The following SREK1 variants were observed in gnomAD, a reference collection of about 807,000 sequenced individuals.
SREK1 encodes the protein splicing regulatory glutamine/lysine-rich protein 1.
A neutral mutation model predicts 66.5 loss-of-function variants in SREK1; 13 were observed. The observed-to-expected ratio is 0.20, with a 90% CI of 0.13 to 0.31. The LOEUF (loss-of-function observed/expected upper bound fraction) is 0.31. SREK1 is among the 10% of genes least tolerant of loss of function. The pLI, the probability that SREK1 is intolerant of heterozygous loss-of-function variation, is 1.00. For synonymous variants in SREK1, 265 were observed against 263.5 expected (o/e 1.01, Z -0.05); for missense variants, 607 against 769.6 (o/e 0.79, Z 2.50).
At chr5:66,152,061 A>G (rs972665100) in intron 1 of SREK1, among the ~76,000 whole-genome samples, 27 of 151,960 alleles carry the variant, frequency 1.8e-4, no homozygotes, top group Non-Finnish European at 1.0e-4. Context: ...TAGCCAGGAT[A>G]GTCTCGATCT....
intron 10 of SREK1, among the ~76,000 whole-genome samples, chr5:66,175,669 T>G (rs974430848): frequency 1.3e-5 from 2 of 152,200 alleles, no homozygotes; most frequent in African/African-American, 4.8e-5. Flanking sequence ...CTAATTATCC[T>G]CTATAAGAGT....
chr5:66,152,379 C>T (rs1297876707), intron 1 of SREK1, among the ~76,000 whole-genome samples: 2 of 152,060 alleles, frequency 1.3e-5, no homozygotes, highest in Admixed American at 6.6e-5. Context: ...ATTTTAAAAA[C>T]GGCTAATGTT....
Position 66,163,822 on chromosome 5 carries a change from A to AC in SREK1, c.791dup (p.Glu265Ter). 1 of 1,613,296 alleles carries AC rather than the reference A, an allele frequency of 6.2e-7. No individual in the cohort carries two copies. The highest frequency in any genetic ancestry group is 8.5e-7 in the Non-Finnish European group (1 of 1,179,534). The stretch of plus-strand genomic sequence containing the variant: ...ATCACTCCAACAATGCAATAGTAAA[A>AC]CCCCCTGAGATGACACCTCAGGCTG... On this transcript the variant is annotated frameshift_variant, in exon 6 of 12. Transcript: ENST00000334121. LOFTEE classifies it high-confidence loss of function.
At position 66,159,320 on chromosome 5, in the gene SREK1, A is replaced by G. The variant is rs778862586; in HGVS notation, c.397A>G (p.Asn133Asp). Reference sequence around the variant, plus strand: ...AGGATTGCTTCCAATACCGACCCCAAATCCTTTGACTACTGTAAGTACTAT... The same window carrying G: ...AGGATTGCTTCCAATACCGACCCCAGATCCTTTGACTACTGTAAGTACTAT... ...GAGLLPIPTP[N>D]PLTTLGVSLS... The change falls in exon 3 of 12, where the codon AAT becomes GAT. Residue 133 changes from asparagine (N) to aspartate (D), a missense_variant. Physicochemically the swap from Asn to Asp is conservative, Grantham distance 23 (BLOSUM62 1). Around this residue, in one of 5 missense-constraint regions of SREK1, gnomAD observed 99 missense variants for 186.6 expected, o/e 0.53. Coordinates refer to ENST00000334121, the MANE Select transcript of SREK1 (RefSeq NM_001077199.3). The G allele has an allele frequency of 1.7e-5, 27 of 1,611,336 alleles. No individual in the cohort carries two copies. Among genetic ancestry groups the G allele is most frequent in the Non-Finnish European group, 2.3e-5 (27 of 1,178,814 alleles).
At chr5:66,145,088 T>G in intron 1 of SREK1, 7 of 985,758 alleles carry the variant, frequency 7.1e-6, no homozygotes, top group Non-Finnish European at 8.4e-6. Flanking sequence ...ACCGAGCGCA[T>G]CCATGTTCCC....
intron 11 of SREK1, 118 bp downstream of exon 11, chr5:66,177,776 A>G (rs980597283): frequency 4.0e-6 from 3 of 750,970 alleles, no homozygotes; most frequent in African/African-American, 1.8e-5. Flanking sequence ...ATTTTATGGC[A>G]TTTTAAAATA....
chr5:66,177,285 G>T, intron 10 of SREK1: 1 of 372,074 alleles, frequency 2.7e-6, no homozygotes, highest in Non-Finnish European at 4.8e-6. Context: ...AGAACATATG[G>T]TGGCCTCTGC....
intron 1 of SREK1, 93 bp from the exon 2 acceptor site, chr5:66,153,370 G>C (rs987039811): frequency 6.7e-7 from 1 of 1,488,068 alleles, no homozygotes; most frequent in African/African-American, 1.4e-5. Context: ...AATTTCGTAA[G>C]ATTATGTAAA....
intron 10 of SREK1, among the ~76,000 whole-genome samples, chr5:66,177,171 C>T (rs949134000): frequency 6.6e-6 from 1 of 152,074 alleles, no homozygotes; most frequent in Non-Finnish European, 1.5e-5. Flanking sequence ...CGAAATGAGG[C>T]GGATACATAT....
At chr5:66,162,869 A>G (rs2303802) in intron 5 of SREK1, 30,785 of 244,184 alleles carry the variant, frequency 0.13, 2,278 homozygotes, top group Admixed American at 0.22. Context: ...GTCTTTTTCC[A>G]TAAACTTTAA....
chr5:66,167,954 T>C (rs1472826882), intron 7 of SREK1: 1 of 152,230 alleles, frequency 6.6e-6, no homozygotes, highest in African/African-American at 2.4e-5. Context: ...TTTGCAGTTT[T>C]GCCTTAACAT....
Position 66,178,886 on chromosome 5 carries a change from C to G in SREK1, c.*18C>G. 1 of 1,573,782 alleles carries G rather than the reference C, an allele frequency of 6.4e-7. No individual in the cohort carries two copies. The highest frequency in any genetic ancestry group is 1.2e-5 in the South Asian group (1 of 84,144). On this transcript the variant is annotated 3_prime_UTR_variant, in exon 12 of 12. Transcript: ENST00000334121. ...CAGTATAGGACCGACAAGTGTACCT[C>G]TGCACTCAATGCTGGAATCAAATCC...
At position 66,180,628 on chromosome 5, in the gene SREK1, CTG is replaced by C. The variant is rs1158523545; in HGVS notation, c.*1764_*1765del. ...TTTTGTTTGTTTTTCCTTTTTGTCA[CTG>C]TGTACATTAAAATTTTGGAAGATGC... is the stretch of plus-strand genomic sequence containing the variant. On this transcript the variant is annotated 3_prime_UTR_variant, in exon 12 of 12. Coordinates refer to ENST00000334121, the MANE Select transcript of SREK1 (RefSeq NM_001077199.3). The C allele has an allele frequency of 1.3e-5, 2 of 152,432 alleles. No individual in the cohort carries two copies. The highest frequency in any genetic ancestry group is 4.1e-4 in the South Asian group (2 of 4,826). The allele number at this position is 152,432 out of a possible 1,614,324, so 9.4% of individuals were successfully genotyped here. A position where few individuals can be genotyped will look rare whatever the true frequency, so the allele number is the denominator to read the frequency against.
In SREK1 at chr5:66,159,282, T is replaced by C. The variant is rs751693067; in HGVS notation, c.359T>C (p.Leu120Pro). 6.2e-7 allele frequency: 1 copy of C among 1,613,790 alleles called. No individual in the cohort carries two copies. Among genetic ancestry groups the C allele is most frequent in the East Asian group, 2.2e-5 (1 of 44,856 alleles). ...GCTCCTGCTCCAACCATGACAAGTC[T>C]GATGCCTGGTGCAGGATTGCTTCCA... is the stretch of plus-strand genomic sequence containing the variant. ...LLAPAPTMTS[L>P]MPGAGLLPIP... Residue 120 changes from leucine to proline, a missense_variant, in exon 3 of 12, where the codon CTG becomes CCG. This residue lies in a region of SREK1 where 99 missense variants were observed against 186.6 expected (regional missense o/e 0.53). Coordinates refer to ENST00000334121, the MANE Select transcript of SREK1 (RefSeq NM_001077199.3).
rs1746332018 is a variant in SREK1 at position 66,179,406 on chromosome 5, CTA to C, written c.*540_*541del. ...GACTTGTGATTGTGTTAAATTCTCA[CTA>C]TTGTGTTTTCTTTTGCTCACTGTTT... On this transcript the variant is annotated 3_prime_UTR_variant, in exon 12 of 12. Transcript: ENST00000334121. The C allele has an allele frequency of 6.6e-6, 1 of 152,450 alleles. No homozygotes were observed. The highest frequency in any genetic ancestry group is 1.5e-5 in the Non-Finnish European group (1 of 67,958). The allele number at this position is 152,450 out of a possible 1,614,324, so 9.4% of individuals were successfully genotyped here.
At chr5:66,170,234 A>T (rs1745517454) in intron 8 of SREK1, 64 bp downstream of exon 8, 1 of 1,515,192 alleles carries the variant, frequency 6.6e-7, no homozygotes, top group Non-Finnish European at 8.9e-7. Context: ...GCTAAGGGAT[A>T]ATATTTTAAT....
chr5:66,150,012 C>A (rs1743635689), intron 1 of SREK1, among the ~76,000 whole-genome samples: 1 of 152,178 alleles, frequency 6.6e-6, no homozygotes. Context: ...TCTTTGCATA[C>A]CTATTATGTA....
intron 1 of SREK1, 53 bp from the exon 2 acceptor site, chr5:66,153,410 A>T (rs1744018264): frequency 3.2e-6 from 5 of 1,578,014 alleles, no homozygotes; most frequent in Non-Finnish European, 4.3e-6. Flanking sequence ...AGTGAAAATG[A>T]TAAAACCAAG....
chr5:66,154,532 T>A (rs555580401), intron 2 of SREK1, among the ~76,000 whole-genome samples: 1 of 152,220 alleles, frequency 6.6e-6, no homozygotes, highest in Non-Finnish European at 1.5e-5. Context: ...TCATATGTAA[T>A]TTTTAAAACC....
Sources: allele counts gnomAD v4.1 joint callset (sites outside exome capture counted in the v4.1 genomes callset), GRCh38; gene constraint gnomAD v4.1.1; regional missense constraint gnomAD v4.1.1; transcripts MANE v1.5; gene names NCBI Gene and HGNC (gene_info 2026-07-23, HGNC 2026-07-21).